The following TRMO variants were observed in gnomAD, a reference collection of about 807,000 sequenced individuals.
The protein encoded by TRMO is tRNA (adenine(37)-N6)-methyltransferase.
Under a neutral mutation model 37.2 loss-of-function variants are expected in TRMO, and 30 were observed. That is an observed-to-expected ratio of 0.81 (90% confidence interval 0.60 to 1.09). The LOEUF (loss-of-function observed/expected upper bound fraction) is 1.09, where lower values mean the gene tolerates loss of function less well. Ranked by LOEUF, TRMO falls within the 50% of genes least tolerant of loss-of-function variation. The probability of loss-of-function intolerance (pLI) is 0.00; values close to 1 mark genes in which losing one functional copy is unlikely to be tolerated. For missense variants in TRMO, 552 were observed against 549.5 expected (o/e 1.00, Z -0.05); for synonymous variants, 239 against 199.4 (o/e 1.20, Z -1.67).
intron 1 of TRMO, among the ~76,000 whole-genome samples, chr9:97,921,939 T>C (rs1019262425): frequency 1.2e-4 from 18 of 152,128 alleles, no homozygotes; most frequent in African/African-American, 4.1e-4. Flanking sequence ...AATATATTCC[T>C]CTATGAAAAC....
At chr9:97,913,011 G>C (rs745428769) in intron 3 of TRMO, 1 of 955,922 alleles carries the variant, frequency 1.0e-6, no homozygotes, top group South Asian at 1.3e-5. Flanking sequence ...CAGTCTATGT[G>C]TTTTCCATAT....
At chr9:97,914,674 C>T (rs188061285) in intron 2 of TRMO, among the ~76,000 whole-genome samples, 3 of 151,754 alleles carry the variant, frequency 2.0e-5, no homozygotes, top group African/African-American at 7.3e-5. Flanking sequence ...TAATAATAGA[C>T]AGCTATTAAA....
intron 1 of TRMO, among the ~76,000 whole-genome samples, chr9:97,917,825 C>T (rs923557654): frequency 3.3e-5 from 5 of 151,142 alleles, no homozygotes; most frequent in East Asian, 2.0e-4. Context: ...ATTATAGGCA[C>T]GCACCAACAT....
chr9:97,913,097 T>C (rs1826200443), intron 3 of TRMO: 1 of 481,238 alleles, frequency 2.1e-6, no homozygotes, highest in Admixed American at 3.3e-5. Flanking sequence ...ATTTACTGCA[T>C]TCCAAGTCAG....
At chr9:97,919,375 A>AAGAAAGAAAAGAAAAGAAAAGAGAAAAG (rs1826517759) in intron 1 of TRMO, among the ~76,000 whole-genome samples, 1 of 152,040 alleles carries the variant, frequency 6.6e-6, no homozygotes, top group South Asian at 2.1e-4. Context: ...AAAAAAAAGA[A>AAGAAAGAAAAGAAAAGAAAAGAGAAAAG]AGAAAGAAAA....
At chr9:97,913,682 G>A (rs1345545882) in intron 2 of TRMO, 124 bp from the exon 3 acceptor site, 7 of 646,970 alleles carry the variant, frequency 1.1e-5, no homozygotes, top group African/African-American at 1.8e-5. Flanking sequence ...GTTTTAAATA[G>A]TATTAACTTG....
intron 4 of TRMO, among the ~76,000 whole-genome samples, chr9:97,908,108 C>T (rs1396392731): frequency 3.9e-5 from 6 of 152,072 alleles, no homozygotes; most frequent in East Asian, 1.9e-4. Flanking sequence ...AATGAGACCC[C>T]GTCTCTTTAA....
At chr9:97,905,979 C>T (rs542677144) in intron 4 of TRMO, among the ~76,000 whole-genome samples, 34 of 152,180 alleles carry the variant, frequency 2.2e-4, no homozygotes, top group African/African-American at 5.1e-4. Flanking sequence ...CATGGTGAAA[C>T]GCCATCTCTA....
chr9:97,910,679 C>G, intron 3 of TRMO, 63 bp from the exon 4 acceptor site: 1 of 1,562,146 alleles, frequency 6.4e-7, no homozygotes, highest in Non-Finnish European at 8.6e-7. Flanking sequence ...CAGTCACGCC[C>G]CAGAATCCTC....
the TRMO span, among the ~76,000 whole-genome samples, chr9:97,898,502 G>A: frequency 1.3e-5 from 2 of 151,826 alleles, no homozygotes; most frequent in African/African-American, 4.8e-5. Flanking sequence ...ACTACACCCC[G>A]TTTTTTAATT....
At chr9:97,918,448 C>G (rs1387541355) in intron 1 of TRMO, among the ~76,000 whole-genome samples, 1 of 151,812 alleles carries the variant, frequency 6.6e-6, no homozygotes, top group Non-Finnish European at 1.5e-5. Flanking sequence ...AAAAAAATGG[C>G]CAGACACTAT....
intron 4 of TRMO, 46 bp from the exon 5 acceptor site, chr9:97,905,038 G>T: frequency 6.3e-7 from 1 of 1,587,898 alleles, no homozygotes; most frequent in East Asian, 2.3e-5. Flanking sequence ...CATGCAGGTT[G>T]AATTTAATTA....
At chr9:97,905,101 G>C (rs1158272511) in intron 4 of TRMO, 109 bp from the exon 5 acceptor site, 17 of 1,175,156 alleles carry the variant, frequency 1.4e-5, no homozygotes, top group Non-Finnish European at 2.0e-5. Context: ...ACTTGACATG[G>C]ACAGGGTTTG....
chr9:97,904,223 ATG>A (rs993043658), downstream of TRMO, among the ~76,000 whole-genome samples: 4 of 152,278 alleles, frequency 2.6e-5, no homozygotes, highest in African/African-American at 9.6e-5. Context: ...ACATATATAT[ATG>A]TGTGTGTGAC....
At chr9:97,916,088 T>C (rs952348113) in intron 2 of TRMO, 76 bp downstream of exon 2, 3 of 1,069,686 alleles carry the variant, frequency 2.8e-6, no homozygotes, top group African/African-American at 3.2e-5. Flanking sequence ...GACTCCAAGG[T>C]TGCCTTCAAC....
At chr9:97,899,220 TA>T in the TRMO span, among the ~76,000 whole-genome samples, 2 of 98,098 alleles carry the variant, frequency 2.0e-5, no homozygotes, top group African/African-American at 9.2e-5. Flanking sequence ...GAAAGCGTAC[TA>T]AAAAAAACCC....
At chr9:97,918,459 C>A (rs1312316192) in intron 1 of TRMO, among the ~76,000 whole-genome samples, 1 of 151,804 alleles carries the variant, frequency 6.6e-6, no homozygotes, top group Non-Finnish European at 1.5e-5. Flanking sequence ...CAGACACTAT[C>A]AATATAAAGT....
chr9:97,899,430 G>GTATT, the TRMO span, among the ~76,000 whole-genome samples: 73,585 of 149,262 alleles, frequency 0.49, 19,509 homozygotes, highest in East Asian at 0.82. Flanking sequence ...TTTTATGTAC[G>GTATT]TATTTATTTA....
Position 97,922,452 on chromosome 9 carries a change from G to T in TRMO, c.42C>A (p.Thr14=). The T allele has an allele frequency of 6.3e-7, 1 of 1,588,160 alleles. No individual in the cohort carries two copies. Among genetic ancestry groups the T allele is most frequent in the Non-Finnish European group, 8.6e-7 (1 of 1,168,214 alleles). ...LEESGPRPTA[T]PCGCVKPALE... ...GAGCCGGCTTAACGCAGCCGCACGG[G>T]GTCGCTGTAGGCCGAGGCCCCGACT... The change falls in exon 1 of 5, where the codon ACC becomes ACA. Residue 14 remains threonine, a synonymous_variant. Coordinates refer to ENST00000375119, the MANE Select transcript of TRMO (RefSeq NM_016481.5).
Sources: gnomAD v4.1 joint callset for allele counts (sites outside exome capture counted in the v4.1 genomes callset) on GRCh38, gnomAD v4.1.1 for gene constraint, MANE v1.5 for transcripts, NCBI Gene and HGNC (gene_info 2026-07-23, HGNC 2026-07-21) for gene names.